SLC9A9: variants seen among roughly 807,000 people sequenced by gnomAD.
SLC9A9 encodes the protein solute carrier family 9 member A9, also known as sodium/hydrogen exchanger 9.
Under a neutral mutation model 77.8 loss-of-function variants are expected in SLC9A9, and 62 were observed. That is an observed-to-expected ratio of 0.80 (90% confidence interval 0.65 to 0.98). The LOEUF (loss-of-function observed/expected upper bound fraction) is 0.98, where lower values mean the gene tolerates loss of function less well. SLC9A9 is among the 50% of genes least tolerant of loss of function. The probability of loss-of-function intolerance (pLI) is 0.00; values close to 1 mark genes in which losing one functional copy is unlikely to be tolerated. For missense variants in SLC9A9, 775 were observed against 774.9 expected (o/e 1.00, Z 0.00); for synonymous variants, 320 against 283.5 (o/e 1.13, Z -1.29).
At chr3:143,681,643 A>G (rs1376019566) in intron 5 of SLC9A9, among the ~76,000 whole-genome samples, 1 of 152,184 alleles carries the variant, frequency 6.6e-6, no homozygotes, top group Admixed American at 6.5e-5. Context: ...AGGTTGTTCA[A>G]ATTATATTCT....
chr3:143,837,236 C>T (rs1042652614), intron 1 of SLC9A9, among the ~76,000 whole-genome samples: 34 of 152,160 alleles, frequency 2.2e-4, no homozygotes, highest in African/African-American at 7.0e-4. Context: ...CTGGCCAGAT[C>T]GCTTTAGACT....
At chr3:143,646,688 T>C (rs1330216214) in intron 6 of SLC9A9, among the ~76,000 whole-genome samples, 1 of 152,174 alleles carries the variant, frequency 6.6e-6, no homozygotes, top group Non-Finnish European at 1.5e-5. Context: ...CCATAATTAC[T>C]TCTTAGAATA....
At chr3:143,570,156 G>A (rs913468531) in intron 8 of SLC9A9, among the ~76,000 whole-genome samples, 4 of 151,988 alleles carry the variant, frequency 2.6e-5, no homozygotes, top group Admixed American at 6.6e-5. Flanking sequence ...ACAAAGATAA[G>A]CATCTCAACA....
intron 4 of SLC9A9, among the ~76,000 whole-genome samples, chr3:143,767,532 C>T (rs2007365434): frequency 1.3e-5 from 2 of 152,054 alleles, no homozygotes; most frequent in Admixed American, 6.6e-5. Context: ...CAGTGACTCA[C>T]CTCATTCTTA....
chr3:143,715,185 T>C (rs954973840), intron 4 of SLC9A9, among the ~76,000 whole-genome samples: 1 of 53,074 alleles, frequency 1.9e-5, no homozygotes, highest in African/African-American at 9.2e-5. Flanking sequence ...TGGACTAATA[T>C]AGGTTCTTTA....
At chr3:143,606,432 C>CTATATATATA (rs1287074508) in intron 6 of SLC9A9, among the ~76,000 whole-genome samples, 206 of 58,610 alleles carry the variant, frequency 3.5e-3, no homozygotes, top group Non-Finnish European at 4.7e-3. Flanking sequence ...CTCTCTCTCT[C>CTATATATATA]TCTCTATATA....
chr3:143,303,373 C>T (rs1360183662), intron 14 of SLC9A9, among the ~76,000 whole-genome samples: 1 of 142,672 alleles, frequency 7.0e-6, no homozygotes. Context: ...TTTTTCTTTT[C>T]TTTTTTTTTT....
intron 6 of SLC9A9, among the ~76,000 whole-genome samples, chr3:143,604,235 G>A (rs920576555): frequency 1.3e-5 from 2 of 152,068 alleles, no homozygotes; most frequent in Admixed American, 6.6e-5. Context: ...AGCCCTGTAA[G>A]CCCACTCAAG....
intron 2 of SLC9A9, among the ~76,000 whole-genome samples, chr3:143,829,569 G>A (rs1037428006): frequency 2.1e-4 from 32 of 152,124 alleles, no homozygotes; most frequent in African/African-American, 7.0e-4. Context: ...TAATTCATAT[G>A]ATACAATTTA....
At position 143,655,597 on chromosome 3, in the gene SLC9A9, G is replaced by GA. The variant is rs1030985873; in HGVS notation, c.650-3238dup. On this transcript the variant is annotated intron_variant, in intron 5 of 15. Coordinates refer to ENST00000316549, the MANE Select transcript of SLC9A9 (RefSeq NM_173653.4). Reference sequence around the variant, plus strand: ...CTTCTTACATGATGTTGTAGCTAGAGAAAAATTCACTTTGTCTTTCAAATT... The same window carrying GA: ...CTTCTTACATGATGTTGTAGCTAGAGAAAAAATTCACTTTGTCTTTCAAATT... 9 of 985,020 alleles carry GA rather than the reference G, an allele frequency of 9.1e-6. No individual in the cohort carries two copies. The African/African-American group carries it at 1.6e-4, about 17-fold the overall frequency. 61.0% of individuals were successfully genotyped at this position (985,020 alleles called of 1,614,324 possible). A position where few individuals can be genotyped will look rare whatever the true frequency, so the allele number is the denominator to read the frequency against.
chr3:143,649,374 T>C (rs2038760588), intron 6 of SLC9A9, among the ~76,000 whole-genome samples: 1 of 152,186 alleles, frequency 6.6e-6, no homozygotes, highest in African/African-American at 2.4e-5. Flanking sequence ...CTTCAAAACT[T>C]TTATGTTAAA....
chr3:143,844,598 A>C (rs1420467797), intron 1 of SLC9A9, among the ~76,000 whole-genome samples: 1 of 152,174 alleles, frequency 6.6e-6, no homozygotes, highest in African/African-American at 2.4e-5. Context: ...CTAAATCTTA[A>C]AATATATTTC....
chr3:143,708,723 G>T (rs945841930), intron 4 of SLC9A9, among the ~76,000 whole-genome samples: 2 of 152,134 alleles, frequency 1.3e-5, no homozygotes, highest in South Asian at 4.1e-4. Flanking sequence ...CAACACATTT[G>T]GGCTATTCTG....
intron 14 of SLC9A9, among the ~76,000 whole-genome samples, chr3:143,304,155 ATAACT>A (rs1301185865): frequency 2.0e-5 from 3 of 152,230 alleles, no homozygotes; most frequent in African/African-American, 7.2e-5. Flanking sequence ...TTCCTGCCAC[ATAACT>A]TCATAATAGG....
chr3:143,615,058 C>T (rs564392611), intron 6 of SLC9A9, among the ~76,000 whole-genome samples: 1 of 152,208 alleles, frequency 6.6e-6, no homozygotes, highest in East Asian at 1.9e-4. Context: ...CACAGTGATG[C>T]CTGCTTGGTG....
intron 13 of SLC9A9, among the ~76,000 whole-genome samples, chr3:143,364,407 G>A (rs907905704): frequency 3.9e-5 from 6 of 151,942 alleles, no homozygotes; most frequent in Admixed American, 1.3e-4. Context: ...GGGCTTTGTT[G>A]CTATGTCTGG....
chr3:143,693,282 C>A lies in SLC9A9; in HGVS notation c.559G>T (p.Ala187Ser), dbSNP rs142715924. 9.3e-6 allele frequency: 15 copies of A among 1,613,272 alleles called. No homozygotes were observed. The highest frequency in any genetic ancestry group is 1.3e-5 in the Non-Finnish European group (15 of 1,179,518). Reference protein sequence around the residue: ...IGLIMYGFVKAMIHAGQLKNG... With the variant: ...IGLIMYGFVKSMIHAGQLKNG... ...TTCAGCTGGCCAGCATGTATCATAG[C>A]CTTCACAAAACCATACATAATTAAC... The change falls in exon 5 of 16, where the codon GCT becomes TCT. Residue 187 changes from alanine (A) to serine (S), a missense_variant. Ala to Ser is a moderately conservative substitution (Grantham distance 99). Coordinates refer to ENST00000316549, the MANE Select transcript of SLC9A9 (RefSeq NM_173653.4).
rs141443247 is a variant in SLC9A9, at chr3:143,346,604, A to T, written c.1604+16880T>A. On this transcript the variant is annotated intron_variant, in intron 14 of 15. Transcript: ENST00000316549. ...GGAGTTCGAGACCAGCTTGGCCAAC[A>T]TGGTGAAACCCCATCTCTACTCAAA... 7.9e-3 allele frequency among the ~76,000 whole-genome samples: 1,204 copies of T among 152,236 alleles called. 12 individuals are homozygous for T. The highest frequency in any genetic ancestry group is 0.027 in the African/African-American group (1,141 of 41,526).
At chr3:143,686,289 G>A (rs559642019) in intron 5 of SLC9A9, among the ~76,000 whole-genome samples, 1 of 151,948 alleles carries the variant, frequency 6.6e-6, no homozygotes, top group Admixed American at 6.5e-5. Flanking sequence ...AAAAAATCCA[G>A]AAAAATAGAA....
Sources: allele counts gnomAD v4.1 joint callset (sites outside exome capture counted in the v4.1 genomes callset), GRCh38; gene constraint gnomAD v4.1.1; transcripts MANE v1.5; gene names NCBI Gene and HGNC (gene_info 2026-07-23, HGNC 2026-07-21).